NINJ2: variants seen among roughly 807,000 people sequenced by gnomAD.
NINJ2 encodes the protein ninjurin-2.
NINJ2 carries 12 observed loss-of-function variants against 11.7 expected under a neutral mutation model. That is an observed-to-expected ratio of 1.02 (90% CI 0.66 to 1.66). NINJ2 has a LOEUF of 1.66. Ranked by LOEUF, NINJ2 falls within the 40% of genes most tolerant of loss-of-function variation. The pLI is 0.00. For synonymous variants in NINJ2, 93 were observed against 76.8 expected, an observed-to-expected ratio of 1.21 and a Z score of -1.10; for missense variants, 187 against 181.8, an observed-to-expected ratio of 1.03 and a Z score of -0.16.
chr12:622,758 G>A (rs925370808), intron 1 of NINJ2, among the ~76,000 whole-genome samples: 1 of 151,874 alleles, frequency 6.6e-6, no homozygotes, highest in East Asian at 1.9e-4. Flanking sequence ...CACCCTAAAT[G>A]CAGTCACACA....
intron 1 of NINJ2, among the ~76,000 whole-genome samples, chr12:631,188 T>G (rs1948276496): frequency 6.6e-6 from 1 of 152,044 alleles, no homozygotes; most frequent in South Asian, 2.1e-4. Context: ...TGGATATGCA[T>G]ATAACAGAAC....
intron 1 of NINJ2, among the ~76,000 whole-genome samples, chr12:609,408 C>G (rs928859595): frequency 5.3e-5 from 8 of 152,208 alleles, no homozygotes; most frequent in African/African-American, 1.9e-4. Flanking sequence ...AGGCTCACAG[C>G]CCAATTCTCT....
chr12:596,522 C>T (rs532204464), intron 1 of NINJ2, among the ~76,000 whole-genome samples: 3 of 152,092 alleles, frequency 2.0e-5, no homozygotes, highest in East Asian at 3.9e-4. Context: ...CTATGAATTT[C>T]GCTGTGAATT....
chr12:629,264 A>G (rs966755816), intron 1 of NINJ2, among the ~76,000 whole-genome samples: 1 of 152,150 alleles, frequency 6.6e-6, no homozygotes, highest in African/African-American at 2.4e-5. Context: ...ATGTGGGAAA[A>G]CTGAAGCCGG....
At chr12:619,703 T>C (rs1273584426) in intron 1 of NINJ2, among the ~76,000 whole-genome samples, 7 of 152,112 alleles carry the variant, frequency 4.6e-5, no homozygotes, top group Non-Finnish European at 8.8e-5. Flanking sequence ...AATGATTCCT[T>C]GGGAAAAGGG....
intron 1 of NINJ2, chr12:643,229 A>G (rs115303052): frequency 0.042 from 6,838 of 161,624 alleles, 466 homozygotes; most frequent in African/African-American, 0.14. Flanking sequence ...CTTCTGGCCC[A>G]CAGCGCCCCT....
intron 1 of NINJ2, among the ~76,000 whole-genome samples, chr12:571,928 AGT>A (rs1207952705): frequency 3.3e-5 from 5 of 152,218 alleles, no homozygotes; most frequent in Non-Finnish European, 4.4e-5. Flanking sequence ...CCCGCAGATC[AGT>A]GTGTTTAGGC....
At chr12:603,945 G>T (rs936396689) in intron 1 of NINJ2, among the ~76,000 whole-genome samples, 3 of 152,234 alleles carry the variant, frequency 2.0e-5, no homozygotes. Flanking sequence ...ACAGGCATGA[G>T]TCACTGCGCC....
At chr12:597,634 T>C (rs1947805762) in intron 1 of NINJ2, among the ~76,000 whole-genome samples, 1 of 152,248 alleles carries the variant, frequency 6.6e-6, no homozygotes, top group Non-Finnish European at 1.5e-5. Context: ...TCGAAGACAT[T>C]GCGTCTTGAG....
At chr12:570,911 A>G (rs1329429334) in intron 1 of NINJ2, among the ~76,000 whole-genome samples, 1 of 152,246 alleles carries the variant, frequency 6.6e-6, no homozygotes, top group African/African-American at 2.4e-5. Context: ...GGAAAATCCC[A>G]TCTCTGGAGG....
chr12:629,896 A>AAAAAAAAAAAAAAAAT lies in NINJ2; in HGVS notation c.33+33431_33+33432insATTTTTTTTTTTTTTT. Among the ~76,000 whole-genome samples the AAAAAAAAAAAAAAAAT allele has an allele frequency of 5.8e-3, 57 of 9,888 alleles. 2 individuals are homozygous for AAAAAAAAAAAAAAAAT. The highest frequency in any genetic ancestry group is 0.011 in the East Asian group (1 of 92). 6.5% of individuals were successfully genotyped at this position (9,888 alleles called of 152,430 possible). A position where few individuals can be genotyped will look rare whatever the true frequency, so the allele number is the denominator to read the frequency against. On this transcript the variant is annotated intron_variant, in intron 1 of 3. Coordinates refer to ENST00000305108, the MANE Select transcript of NINJ2 (RefSeq NM_016533.6). Reference sequence around the variant, plus strand: ...GAGCAAAACTCAAAAAAAAAAAAAAAATATATATATATATATATATATATA... The same window carrying AAAAAAAAAAAAAAAAT: ...GAGCAAAACTCAAAAAAAAAAAAAAAAAAAAAAAAAAAAAATATATATATATATATATATATATATA...
chr12:566,105 C>G lies in NINJ2; in HGVS notation c.107G>C (p.Ser36Thr). Reference sequence around the variant, plus strand: ...CATGAACAGGGCCACGTCCAGCATGCTCTCCGCCACGCTCTTCTTGGTGGC... The same window carrying G: ...CATGAACAGGGCCACGTCCAGCATGGTCTCCGCCACGCTCTTCTTGGTGGC... ...HYATKKSVAE[S>T]MLDVALFMSN... Residue 36 changes from serine (S) to threonine (T), a missense_variant, in exon 2 of 4, where the codon AGC (serine) becomes ACC (threonine). Ser to Thr is a moderately conservative substitution (Grantham distance 58). Coordinates refer to ENST00000305108, the MANE Select transcript of NINJ2 (RefSeq NM_016533.6). The G allele has an allele frequency of 6.2e-7, 1 of 1,614,198 alleles. No homozygotes were observed. The highest frequency in any genetic ancestry group is 8.5e-7 in the Non-Finnish European group (1 of 1,180,034).
At chr12:605,589 G>A (rs1345609826) in intron 1 of NINJ2, among the ~76,000 whole-genome samples, 1 of 152,164 alleles carries the variant, frequency 6.6e-6, no homozygotes, top group African/African-American at 2.4e-5. Context: ...AATCTAGAGA[G>A]ACAACATTAA....
intron 1 of NINJ2, among the ~76,000 whole-genome samples, chr12:637,351 A>G (rs1948364494): frequency 1.4e-5 from 2 of 146,560 alleles, no homozygotes; most frequent in African/African-American, 5.1e-5. Context: ...TTCATCTCAA[A>G]AAAAAGAAGG....
rs1441619572 is a variant in NINJ2, at chr12:591,798, T to C, written c.34-25620A>G. Among the ~76,000 whole-genome samples the C allele has an allele frequency of 1.3e-5, 2 of 152,184 alleles. No homozygotes were observed. The highest frequency in any genetic ancestry group is 2.1e-4 in the South Asian group (1 of 4,824). On this transcript the variant is annotated intron_variant, in intron 1 of 3. Transcript: ENST00000305108. The surrounding 1 kb of genome is among the most constrained non-coding windows in gnomAD (Gnocchi z 5.0). ...GCTGCAAGGGCCAAGGGTGTTTCTT[T>C]AGAGATATTTCTCAGGTTCTGGGCC...
chr12:642,492 T>A (rs1479576684), intron 1 of NINJ2, among the ~76,000 whole-genome samples: 1 of 152,138 alleles, frequency 6.6e-6, no homozygotes, highest in Non-Finnish European at 1.5e-5. Flanking sequence ...CCTGCCAAAG[T>A]GCTGGAATTA....
At chr12:572,983 AG>A (rs1422277230) in intron 1 of NINJ2, among the ~76,000 whole-genome samples, 2 of 145,842 alleles carry the variant, frequency 1.4e-5, no homozygotes, top group African/African-American at 5.2e-5. Flanking sequence ...CAGCCTCCCG[AG>A]TAGCTGGGAT....
intron 1 of NINJ2, among the ~76,000 whole-genome samples, chr12:569,755 G>A (rs2120789410): frequency 6.6e-6 from 1 of 152,340 alleles, no homozygotes; most frequent in South Asian, 2.1e-4. Flanking sequence ...GTTGGCTTTT[G>A]TTGTTACATT....
At chr12:573,598 AC>A (rs771137193) in intron 1 of NINJ2, among the ~76,000 whole-genome samples, 1 of 151,970 alleles carries the variant, frequency 6.6e-6, no homozygotes, top group Non-Finnish European at 1.5e-5. Context: ...AAACAGAAAA[AC>A]AAAAAACAAA....
Sources: gnomAD v4.1 joint callset for allele counts (sites outside exome capture counted in the v4.1 genomes callset) on GRCh38, gnomAD v4.1.1 for gene constraint, Gnocchi (gnomAD v3.1) non-coding constraint, MANE v1.5 for transcripts, NCBI Gene and HGNC (gene_info 2026-07-23, HGNC 2026-07-21) for gene names.